The following MGAT4C variants were observed in gnomAD, a reference collection of about 807,000 sequenced individuals.
The protein encoded by MGAT4C is alpha-1,3-mannosyl-glycoprotein 4-beta-N-acetylglucosaminyltransferase C.
Under a neutral mutation model 40.1 loss-of-function variants are expected in MGAT4C, and 19 were observed. That is an observed-to-expected ratio of 0.47 (90% CI 0.33 to 0.70). The LOEUF is 0.70. Among genes scored for constraint, MGAT4C ranks in the 30% least tolerant of loss-of-function variants. The probability of loss-of-function intolerance (pLI) is 0.02; values close to 1 mark genes in which losing one functional copy is unlikely to be tolerated. For synonymous variants in MGAT4C, 181 were observed against 187.1 expected (o/e 0.97, Z 0.27); for missense variants, 491 against 563.2 (o/e 0.87, Z 1.30).
At chr12:86,310,812 T>G (rs984630931) in intron 4 of MGAT4C, among the ~76,000 whole-genome samples, 2 of 152,060 alleles carry the variant, frequency 1.3e-5, no homozygotes, top group Non-Finnish European at 2.9e-5. Flanking sequence ...TAATCCCAGC[T>G]ACTCGGGAGG....
At chr12:86,785,611 CAAT>C (rs746374199) in intron 1 of MGAT4C, among the ~76,000 whole-genome samples, 1 of 151,478 alleles carries the variant, frequency 6.6e-6, no homozygotes, top group Non-Finnish European at 1.5e-5. Context: ...TAAAAAATAA[CAAT>C]AGTCAATAAA....
At chr12:86,751,110 G>A (rs977039556) in intron 1 of MGAT4C, among the ~76,000 whole-genome samples, 1 of 151,954 alleles carries the variant, frequency 6.6e-6, no homozygotes, top group South Asian at 2.1e-4. Context: ...AGGAACCAAT[G>A]GAGGGAATGG....
Position 85,958,986 on chromosome 12 carries a change from G to A in MGAT4C, c.*20303C>T, listed in dbSNP as rs977139723. ...TGCATAGGGCAGAGGAGGCGATTCA[G>A]TTACTTCTGCTATGTTATTAAATCT... On this transcript the variant is annotated 3_prime_UTR_variant, in exon 5 of 5. Coordinates refer to ENST00000611864, the MANE Select transcript of MGAT4C (RefSeq NM_001351288.2). 6.6e-6 allele frequency: 1 copy of A among 151,512 alleles called. No homozygotes were observed. The highest frequency in any genetic ancestry group is 6.6e-5 in the Admixed American group (1 of 15,130). 9.4% of individuals were successfully genotyped at this position (151,512 alleles called of 1,614,324 possible).
chr12:86,144,816 C>A (rs568640522), intron 1 of MGAT4C, among the ~76,000 whole-genome samples: 57 of 152,194 alleles, frequency 3.7e-4, no homozygotes, highest in African/African-American at 1.3e-3. Context: ...ATAAGTTATA[C>A]TATAAAACCA....
At chr12:86,265,139 A>T (rs1952754318) in intron 4 of MGAT4C, among the ~76,000 whole-genome samples, 1 of 146,478 alleles carries the variant, frequency 6.8e-6, no homozygotes, top group South Asian at 2.3e-4. Context: ...GGCTGTGCGC[A>T]GTGGCCAGAC....
At chr12:86,711,745 G>A (rs1432739903) in intron 2 of MGAT4C, among the ~76,000 whole-genome samples, 9 of 152,062 alleles carry the variant, frequency 5.9e-5, no homozygotes, top group South Asian at 2.1e-4. Context: ...ACACAAAAAC[G>A]AAGAATTTAA....
chr12:86,404,016 G>T (rs1432900976), intron 3 of MGAT4C, among the ~76,000 whole-genome samples: 2 of 152,048 alleles, frequency 1.3e-5, no homozygotes, highest in African/African-American at 4.8e-5. Context: ...TAATAATGAA[G>T]ACTGTACATT....
At chr12:86,406,564 A>G (rs1309325291) in intron 3 of MGAT4C, among the ~76,000 whole-genome samples, 3 of 152,190 alleles carry the variant, frequency 2.0e-5, no homozygotes, top group Middle Eastern at 3.4e-3. Context: ...TTTTTTAGCC[A>G]TTTAGTGGAA....
At chr12:86,166,939 A>G (rs773770972) in intron 1 of MGAT4C, among the ~76,000 whole-genome samples, 2 of 152,254 alleles carry the variant, frequency 1.3e-5, no homozygotes, top group Non-Finnish European at 2.9e-5. Context: ...GCAAGTATGC[A>G]TAATTATGAA....
chr12:86,186,104 G>A (rs1888725427), intron 1 of MGAT4C, among the ~76,000 whole-genome samples: 2 of 152,142 alleles, frequency 1.3e-5, no homozygotes, highest in Admixed American at 1.3e-4. Context: ...GAAGGATACA[G>A]AAAGGTCTCA....
rs114755899 is a variant in MGAT4C at position 86,159,659 on chromosome 12, G to A, written c.-57+96580C>T. Among the ~76,000 whole-genome samples the A allele has an allele frequency of 3.4e-3, 515 of 151,914 alleles. 1 individual carries two copies. Among genetic ancestry groups the A allele is most frequent in the African/African-American group, 0.012 (496 of 41,448 alleles). On this transcript the variant is annotated intron_variant, in intron 1 of 4. Coordinates refer to ENST00000611864, the MANE Select transcript of MGAT4C (RefSeq NM_001351288.2). ...TTGGCTGTAAATTCACCTGAACCAG[G>A]GCTTTCGTTATGGTTAGCAGGTTCT...
chr12:86,336,082 C>A (rs965116603), intron 3 of MGAT4C, among the ~76,000 whole-genome samples: 2 of 152,152 alleles, frequency 1.3e-5, no homozygotes. Context: ...ACCTCCCTGG[C>A]ATAGATTACT....
chr12:86,208,078 G>A (rs1490092808), intron 1 of MGAT4C, among the ~76,000 whole-genome samples: 3 of 152,076 alleles, frequency 2.0e-5, no homozygotes, highest in Non-Finnish European at 2.9e-5. Context: ...CTGCCTCTAG[G>A]TCTCTGACCT....
chr12:86,095,798 T>TC (rs11429957), intron 1 of MGAT4C, among the ~76,000 whole-genome samples: 151,902 of 151,904 alleles, frequency 1, 75,950 homozygotes, highest in Middle Eastern at 1. Flanking sequence ...TATATTCATC[T>TC]CTGTGATTTT....
At chr12:86,365,161 A>T (rs951037740) in intron 3 of MGAT4C, among the ~76,000 whole-genome samples, 1 of 152,050 alleles carries the variant, frequency 6.6e-6, no homozygotes, top group African/African-American at 2.4e-5. Flanking sequence ...TTTCTCAGGG[A>T]TGTTCCTTGC....
chr12:86,809,365 T>C (rs1030098491), intron 1 of MGAT4C, among the ~76,000 whole-genome samples: 1 of 152,054 alleles, frequency 6.6e-6, no homozygotes, highest in African/African-American at 2.4e-5. Context: ...CTACCATGAA[T>C]ATTTTTGTTC....
intron 2 of MGAT4C, among the ~76,000 whole-genome samples, chr12:86,026,522 C>G (rs553872414): frequency 6.6e-6 from 1 of 151,752 alleles, no homozygotes; most frequent in South Asian, 2.1e-4. Context: ...TTTATTTAAC[C>G]CACTCCCTTA....
chr12:86,350,941 GT>G (rs1281526772), intron 3 of MGAT4C, among the ~76,000 whole-genome samples: 2 of 150,738 alleles, frequency 1.3e-5, no homozygotes, highest in Non-Finnish European at 3.0e-5. Context: ...TAGACATGTT[GT>G]TTTTTTAATT....
intron 3 of MGAT4C, among the ~76,000 whole-genome samples, chr12:86,424,484 G>C (rs1268671166): frequency 6.6e-6 from 1 of 151,992 alleles, no homozygotes; most frequent in Non-Finnish European, 1.5e-5. Context: ...TAACTGTTAG[G>C]ATTCAAGGGT....
Sources: gnomAD v4.1 joint callset for allele counts (sites outside exome capture counted in the v4.1 genomes callset) on GRCh38, gnomAD v4.1.1 for gene constraint, MANE v1.5 for transcripts, NCBI Gene and HGNC (gene_info 2026-07-23, HGNC 2026-07-21) for gene names.